The following ARHGEF28 variants were observed in gnomAD, a reference collection of about 807,000 sequenced individuals.
ARHGEF28 encodes Rho guanine nucleotide exchange factor 28, also known as 190 kDa guanine nucleotide exchange factor.
In ARHGEF28, 152 loss-of-function variants were observed where a neutral mutation model predicts 206.6. That is an observed-to-expected ratio of 0.74 (90% CI 0.64 to 0.84). The LOEUF (loss-of-function observed/expected upper bound fraction) is 0.84. Ranked by LOEUF, ARHGEF28 falls within the 40% of genes least tolerant of loss-of-function variation. ARHGEF28 has a pLI of 0.00. For missense variants in ARHGEF28, 2,028 were observed against 2,073.2 expected (o/e 0.98, Z 0.42); for synonymous variants, 763 against 776.4 (o/e 0.98, Z 0.29).
In ARHGEF28 at chr5:73,749,989, G is replaced by A. The variant is rs1016300364; in HGVS notation, c.181+5G>A. The stretch of plus-strand genomic sequence containing the variant: ...TTCTCCAGTCCAGCGTCCCAGGTGA[G>A]GTGTCCTCTTTGTTGTGCAGCTGGG... On this transcript the variant is annotated splice_donor_5th_base_variant and intron_variant, in intron 3 of 35. Coordinates refer to ENST00000513042, the MANE Select transcript of ARHGEF28 (RefSeq NM_001177693.2). 5 of 1,613,458 alleles carry A rather than the reference G, an allele frequency of 3.1e-6. No individual in the cohort carries two copies. The highest frequency in any genetic ancestry group is 3.3e-5 in the Admixed American group (2 of 59,954).
intron 11 of ARHGEF28, 22 bp downstream of exon 11, chr5:73,840,782 GA>G (rs1168433513): frequency 6.3e-7 from 1 of 1,586,510 alleles, no homozygotes; most frequent in African/African-American, 1.3e-5. Context: ...TATTGTAGAG[GA>G]AAACTGTAGA....
At chr5:73,750,022 T>C (rs777791972) in intron 3 of ARHGEF28, 38 bp downstream of exon 3, 5 of 1,606,910 alleles carry the variant, frequency 3.1e-6, no homozygotes, top group South Asian at 1.1e-5. Context: ...GGGAAATTAG[T>C]CTGCAAATAA....
chr5:73,692,559 A>C (rs556808574), intron 2 of ARHGEF28, among the ~76,000 whole-genome samples: 8 of 152,230 alleles, frequency 5.3e-5, no homozygotes, highest in African/African-American at 1.9e-4. Context: ...TGCTGGGCTC[A>C]TTGTGGGTGT....
intron 7 of ARHGEF28, among the ~76,000 whole-genome samples, chr5:73,792,408 C>G (rs1390636224): frequency 6.6e-6 from 1 of 152,182 alleles, no homozygotes; most frequent in Non-Finnish European, 1.5e-5. Flanking sequence ...ACTTCACTAA[C>G]AGATGAGATT....
chr5:73,755,382 A>C (rs1005116322), intron 4 of ARHGEF28, among the ~76,000 whole-genome samples: 36 of 152,096 alleles, frequency 2.4e-4, no homozygotes, highest in Admixed American at 1.6e-3. Context: ...GTAAAGGAAG[A>C]GCATCACAGC....
At chr5:73,751,129 G>A (rs894797744) in intron 3 of ARHGEF28, among the ~76,000 whole-genome samples, 4 of 152,220 alleles carry the variant, frequency 2.6e-5, no homozygotes, top group African/African-American at 9.6e-5. Flanking sequence ...GAATTAATGG[G>A]CCAGTCATGG....
At chr5:73,855,865 A>C (rs1369186102) in intron 14 of ARHGEF28, among the ~76,000 whole-genome samples, 3 of 151,900 alleles carry the variant, frequency 2.0e-5, no homozygotes, top group African/African-American at 7.3e-5. Context: ...GGGAGTTGGG[A>C]GTAGAGTTGG....
chr5:73,692,454 A>T (rs1175560290), intron 2 of ARHGEF28, among the ~76,000 whole-genome samples: 2 of 152,150 alleles, frequency 1.3e-5, no homozygotes, highest in African/African-American at 4.8e-5. Context: ...TGGATCTAAG[A>T]TACTTCGCTA....
At chr5:73,728,088 G>A (rs1750389832) in intron 2 of ARHGEF28, among the ~76,000 whole-genome samples, 1 of 152,172 alleles carries the variant, frequency 6.6e-6, no homozygotes, top group Non-Finnish European at 1.5e-5. Flanking sequence ...TCTTGTTAGT[G>A]TTGGTCCTGT....
chr5:73,677,155 G>T (rs771495476), intron 1 of ARHGEF28, among the ~76,000 whole-genome samples: 1 of 152,164 alleles, frequency 6.6e-6, no homozygotes, highest in Non-Finnish European at 1.5e-5. Context: ...AATGATCGGG[G>T]AGGCAGTTGC....
intron 24 of ARHGEF28, among the ~76,000 whole-genome samples, chr5:73,885,552 C>T (rs950984381): frequency 3.3e-5 from 5 of 151,044 alleles, no homozygotes; most frequent in Non-Finnish European, 7.4e-5. Context: ...TCTTGGTTCC[C>T]TGCAACCTCT....
intron 7 of ARHGEF28, among the ~76,000 whole-genome samples, chr5:73,783,784 G>A (rs575722587): frequency 1.1e-4 from 16 of 152,224 alleles, no homozygotes; most frequent in South Asian, 6.2e-4. Flanking sequence ...CAAAATATAC[G>A]TTCAGTTTTA....
At chr5:73,738,124 T>C (rs1372100283) in intron 2 of ARHGEF28, among the ~76,000 whole-genome samples, 3 of 152,140 alleles carry the variant, frequency 2.0e-5, no homozygotes, top group African/African-American at 7.2e-5. Context: ...TTGATTCTGA[T>C]CCTGACTTCT....
intron 2 of ARHGEF28, among the ~76,000 whole-genome samples, chr5:73,706,133 C>T (rs1015481073): frequency 6.6e-6 from 1 of 152,194 alleles, no homozygotes; most frequent in African/African-American, 2.4e-5. Context: ...AGGCAGCCTT[C>T]TTGTCCGAAG....
chr5:73,825,107 GTC>G (rs1483441069), intron 9 of ARHGEF28, among the ~76,000 whole-genome samples: 1 of 152,198 alleles, frequency 6.6e-6, no homozygotes, highest in Non-Finnish European at 1.5e-5. Flanking sequence ...GAACAAAACT[GTC>G]TTTGCAGTTG....
chr5:73,862,268 T>A (rs1451492038), intron 16 of ARHGEF28, among the ~76,000 whole-genome samples: 2 of 152,212 alleles, frequency 1.3e-5, no homozygotes, highest in African/African-American at 4.8e-5. Flanking sequence ...ATTATCCTTT[T>A]AACTTCATTA....
At chr5:73,785,553 A>C (rs1269184067) in intron 7 of ARHGEF28, among the ~76,000 whole-genome samples, 1 of 152,114 alleles carries the variant, frequency 6.6e-6, no homozygotes, top group Admixed American at 6.5e-5. Context: ...CTCCCTCGAC[A>C]TCCCACTTCA....
chr5:73,748,946 GC>G, intron 2 of ARHGEF28, among the ~76,000 whole-genome samples: 1 of 152,288 alleles, frequency 6.6e-6, no homozygotes, highest in Non-Finnish European at 1.5e-5. Context: ...GGCTGCTGTA[GC>G]CCCTCCGCAA....
At position 73,762,977 on chromosome 5, in the gene ARHGEF28, T is replaced by C. The variant is rs111551783; in HGVS notation, c.475+9775T>C. The stretch of plus-strand genomic sequence containing the variant: ...GAATGGCTGTCAGGATTAAATGAGA[T>C]AACGCATATAAAGTGCTGAATAAAG... On this transcript the variant is annotated intron_variant, in intron 4 of 35. Transcript: ENST00000513042. Among the ~76,000 whole-genome samples the C allele has an allele frequency of 6.7e-4, 102 of 152,326 alleles. 2 individuals carry two copies. The highest frequency in any genetic ancestry group is 2.3e-3 in the African/African-American group (97 of 41,578).
Sources: gnomAD v4.1 joint callset for allele counts (sites outside exome capture counted in the v4.1 genomes callset) on GRCh38, gnomAD v4.1.1 for gene constraint, MANE v1.5 for transcripts, NCBI Gene and HGNC (gene_info 2026-07-23, HGNC 2026-07-21) for gene names.